Variants in DLG2 observed in about 807,000 individuals in gnomAD.
DLG2 encodes the protein disks large homolog 2.
DLG2 carries 45 observed loss-of-function variants against 132.5 expected under a neutral mutation model. That is an observed-to-expected ratio of 0.34 (90% CI 0.27 to 0.44). DLG2 has a LOEUF of 0.44. DLG2 is among the 20% of genes least tolerant of loss of function. The pLI, the probability that DLG2 is intolerant of heterozygous loss-of-function variation, is 1.00. For missense variants in DLG2, 1,045 were observed against 1,196.9 expected, an observed-to-expected ratio of 0.87 and a Z score of 1.87; for synonymous variants, 424 against 419.6, an observed-to-expected ratio of 1.01 and a Z score of -0.13.
chr11:83,719,416 G>T (rs2153680924), intron 18 of DLG2, among the ~76,000 whole-genome samples: 1 of 152,268 alleles, frequency 6.6e-6, no homozygotes, highest in Middle Eastern at 3.4e-3. Flanking sequence ...CAATTCTGAG[G>T]CTGGGTACTT....
At chr11:84,613,151 A>G (rs1024259327) in intron 6 of DLG2, among the ~76,000 whole-genome samples, 3 of 152,152 alleles carry the variant, frequency 2.0e-5, no homozygotes, top group Non-Finnish European at 4.4e-5. Flanking sequence ...TAGCAACACT[A>G]TCAGGACAAC....
At chr11:85,198,819 A>G (rs1396414411) in intron 4 of DLG2, among the ~76,000 whole-genome samples, 1 of 152,106 alleles carries the variant, frequency 6.6e-6, no homozygotes, top group Non-Finnish European at 1.5e-5. Context: ...GTCACTTGCC[A>G]CACTTAAATT....
chr11:85,171,021 A>G lies in DLG2; in HGVS notation c.187-16370T>C, dbSNP rs551666058. Reference sequence around the variant, plus strand: ...CACGTAGAAGAAATGAGGCAATCAGAAAACTACCAACCGGAAGACACCATA... The same window carrying G: ...CACGTAGAAGAAATGAGGCAATCAGGAAACTACCAACCGGAAGACACCATA... On this transcript the variant is annotated intron_variant, in intron 4 of 27. Coordinates refer to ENST00000376104, the MANE Select transcript of DLG2 (RefSeq NM_001142699.3). 2.0e-5 allele frequency among the ~76,000 whole-genome samples: 3 copies of G among 152,204 alleles called. No individual in the cohort carries two copies. In the South Asian group the frequency reaches 6.2e-4, roughly 31 times the overall value.
At chr11:84,914,453 A>C (rs2092327121) in intron 6 of DLG2, among the ~76,000 whole-genome samples, 1 of 152,222 alleles carries the variant, frequency 6.6e-6, no homozygotes. Flanking sequence ...TAGCAAATAG[A>C]TTTCTTTCAA....
chr11:85,349,800 C>G (rs1283967152), intron 3 of DLG2, among the ~76,000 whole-genome samples: 3 of 152,114 alleles, frequency 2.0e-5, no homozygotes, highest in Non-Finnish European at 4.4e-5. Flanking sequence ...TTTTCTCAAT[C>G]CAGTCTGTCA....
chr11:85,176,451 A>G (rs2079251926), intron 4 of DLG2, among the ~76,000 whole-genome samples: 1 of 152,196 alleles, frequency 6.6e-6, no homozygotes, highest in Non-Finnish European at 1.5e-5. Flanking sequence ...TACACAATAT[A>G]CAAATTTAAC....
chr11:83,988,585 C>T (rs1199517819), intron 11 of DLG2, among the ~76,000 whole-genome samples: 2 of 152,078 alleles, frequency 1.3e-5, no homozygotes, highest in Non-Finnish European at 2.9e-5. Flanking sequence ...CTCTGATTTC[C>T]TTGAGCAATG....
chr11:85,561,331 CAAAAAAAAAAAAAA>C (rs1162562595), intron 3 of DLG2, among the ~76,000 whole-genome samples: 83 of 12,510 alleles, frequency 6.6e-3, no homozygotes, highest in East Asian at 7.1e-3. Flanking sequence ...GACCCTATCT[CAAAAAAAAAAAAAA>C]AAAAAAAAAA....
rs142405019 is a variant in DLG2 at position 85,533,007 on chromosome 11, TTTG to T, written c.40+65647_40+65649del. ...CAAAATTAGAGATGCCTAAGGTGTT[TTTG>T]TTGTTGTTGTTGTTGTTGTTGTTGT... On this transcript the variant is annotated intron_variant, in intron 3 of 27. Transcript: ENST00000376104. Among the ~76,000 whole-genome samples the T allele has an allele frequency of 2.2e-3, 329 of 151,210 alleles. 2 individuals are homozygous for T. Among genetic ancestry groups the T allele is most frequent in the East Asian group, 5.5e-3 (28 of 5,110 alleles).
intron 18 of DLG2, among the ~76,000 whole-genome samples, chr11:83,778,999 G>C (rs1490077151): frequency 2.0e-5 from 3 of 152,066 alleles, no homozygotes; most frequent in Non-Finnish European, 2.9e-5. Flanking sequence ...GTGTGGGAGA[G>C]AGTTGTGGAG....
intron 3 of DLG2, among the ~76,000 whole-genome samples, chr11:85,314,060 A>T (rs1018168654): frequency 6.6e-6 from 1 of 152,018 alleles, no homozygotes; most frequent in Non-Finnish European, 1.5e-5. Context: ...GTAAAGAACA[A>T]TTAGACTGCT....
At chr11:83,869,855 C>G (rs1015585483) in intron 16 of DLG2, among the ~76,000 whole-genome samples, 4 of 152,096 alleles carry the variant, frequency 2.6e-5, no homozygotes, top group Non-Finnish European at 5.9e-5. Context: ...AGAATTTGTA[C>G]TAGAAAATTC....
At chr11:85,502,502 G>T (rs1222006699) in intron 3 of DLG2, among the ~76,000 whole-genome samples, 1 of 152,088 alleles carries the variant, frequency 6.6e-6, no homozygotes, top group Admixed American at 6.6e-5. Flanking sequence ...CCTTTGCAGG[G>T]ACATGGATGA....
chr11:84,014,868 A>AT (rs1490047181), intron 11 of DLG2, among the ~76,000 whole-genome samples: 2 of 151,146 alleles, frequency 1.3e-5, no homozygotes, highest in Non-Finnish European at 2.9e-5. Context: ...TAGTTTTGAG[A>AT]TAAAAAAAAG....
chr11:85,514,631 T>C (rs2094139002), intron 3 of DLG2, among the ~76,000 whole-genome samples: 1 of 152,002 alleles, frequency 6.6e-6, no homozygotes, highest in South Asian at 2.1e-4. Context: ...TCACCATTCC[T>C]CATGTATTTT....
intron 21 of DLG2, among the ~76,000 whole-genome samples, chr11:83,521,398 A>AT (rs1232203670): frequency 3.3e-5 from 5 of 152,010 alleles, no homozygotes; most frequent in South Asian, 2.1e-4. Flanking sequence ...TTTAGTGACA[A>AT]TTTTTTTTAT....
chr11:83,802,067 CT>C (rs554595212), intron 17 of DLG2, among the ~76,000 whole-genome samples: 47 of 146,162 alleles, frequency 3.2e-4, no homozygotes, highest in South Asian at 1.3e-3. Flanking sequence ...AGGCCCAAGA[CT>C]TTTTTTTTTT....
chr11:85,139,687 T>A (rs1304802841), intron 5 of DLG2, among the ~76,000 whole-genome samples: 1 of 152,066 alleles, frequency 6.6e-6, no homozygotes, highest in Non-Finnish European at 1.5e-5. Context: ...TATAATACAA[T>A]GTTATTACCT....
intron 7 of DLG2, among the ~76,000 whole-genome samples, chr11:84,295,820 T>C (rs761042734): frequency 3.3e-5 from 5 of 152,180 alleles, no homozygotes; most frequent in Non-Finnish European, 7.3e-5. Context: ...TTTCTGCTGA[T>C]CTTTGAATTA....
Sources: allele counts gnomAD v4.1 joint callset (sites outside exome capture counted in the v4.1 genomes callset), GRCh38; gene constraint gnomAD v4.1.1; transcripts MANE v1.5; gene names NCBI Gene and HGNC (gene_info 2026-07-23, HGNC 2026-07-21).